Variants in CLEC4F observed in about 807,000 individuals in gnomAD.
The protein encoded by CLEC4F is C-type lectin domain family 4 member F, also known as C-type (calcium dependent, carbohydrate-recognition domain) lectin, superfamily member 13.
A neutral mutation model predicts 53.4 loss-of-function variants in CLEC4F; 45 were observed. That is an observed-to-expected ratio of 0.84 (90% CI 0.66 to 1.08). CLEC4F has a LOEUF of 1.08. Among genes scored for constraint, CLEC4F ranks in the 50% least tolerant of loss-of-function variants. CLEC4F has a pLI of 0.00. For synonymous variants in CLEC4F, 245 were observed against 257.5 expected, an observed-to-expected ratio of 0.95 and a Z score of 0.46; for missense variants, 753 against 698.2, an observed-to-expected ratio of 1.08 and a Z score of -0.88.
chr2:70,809,976 A>C, intron 5 of CLEC4F, 119 bp from the exon 6 acceptor site: 1 of 697,606 alleles, frequency 1.4e-6, no homozygotes, highest in Non-Finnish European at 2.6e-6. Flanking sequence ...AAAACTGTAA[A>C]CAGAATTTTA....
In CLEC4F at chr2:70,820,592, A is replaced by G; in HGVS notation, c.-69T>C. ...CCTGGAAGGGCCGTCCCGTGGACCA[A>G]TGGCAGTGGAAGCAAAGCTGAGACA... On this transcript the variant is annotated 5_prime_UTR_variant, in exon 1 of 7. Transcript: ENST00000272367. 6.8e-7 allele frequency: 1 copy of G among 1,467,392 alleles called. No individual in the cohort carries two copies. The highest frequency in any genetic ancestry group is 9.3e-7 in the Non-Finnish European group (1 of 1,081,008). 90.9% of individuals were successfully genotyped at this position (1,467,392 alleles called of 1,614,324 possible).
intron 5 of CLEC4F, chr2:70,811,368 G>T (rs1676551229): frequency 2.4e-6 from 2 of 840,650 alleles, no homozygotes; most frequent in African/African-American, 1.7e-5. Context: ...AGCAGCTAGT[G>T]TACTGTCCAT....
chr2:70,813,901 A>T (rs1469330029), intron 4 of CLEC4F, among the ~76,000 whole-genome samples: 1 of 151,268 alleles, frequency 6.6e-6, no homozygotes, highest in Non-Finnish European at 1.5e-5. Flanking sequence ...CTGCTCTCAA[A>T]CTCCTGATCT....
rs553757438 is a variant in CLEC4F at position 70,810,958 on chromosome 2, TGAAAATA to T, written c.1540-1108_1540-1102del. 4.9e-5 allele frequency: 27 copies of T among 554,888 alleles called. No homozygotes were observed. In the East Asian group the frequency reaches 1.2e-3, roughly 24 times the overall value. 34.4% of individuals were successfully genotyped at this position (554,888 alleles called of 1,614,324 possible). A position where few individuals can be genotyped will look rare whatever the true frequency, so the allele number is the denominator to read the frequency against. On this transcript the variant is annotated intron_variant, in intron 5 of 6. Coordinates refer to ENST00000272367, the MANE Select transcript of CLEC4F (RefSeq NM_173535.3). ...ATATTCATCAAATATCTGCCAATGA[TGAAAATA>T]AACATGTGAAAATATTCTGTAAATT...
chr2:70,811,804 A>G (rs184310413), intron 5 of CLEC4F, among the ~76,000 whole-genome samples: 1 of 152,076 alleles, frequency 6.6e-6, no homozygotes, highest in African/African-American at 2.4e-5. Context: ...GACAGGCTGG[A>G]TGCAGTGGCT....
Position 70,817,109 on chromosome 2 carries a change from T to C in CLEC4F, c.272A>G (p.His91Arg), listed in dbSNP as rs1317129389. 3.7e-6 allele frequency: 6 copies of C among 1,605,158 alleles called. No individual in the cohort carries two copies. The highest frequency in any genetic ancestry group is 5.1e-6 in the Non-Finnish European group (6 of 1,178,618). ...TTCTGCCTCCCTGCCAAAGTGGTGA[T>C]GATCTGGAGGGAGGAAGTGAAGAAG... is the stretch of plus-strand genomic sequence containing the variant. ...TGHLPFEPNN[H>R]HHFGREAEMR... Residue 91 changes from histidine (H) to arginine (R), a missense_variant, in exon 4 of 7, where the codon CAT (histidine) becomes CGT (arginine). Transcript: ENST00000272367.
chr2:70,809,873 A>G lies in CLEC4F; in HGVS notation c.1540-16T>C, dbSNP rs201250175. On this transcript the variant is annotated splice_polypyrimidine_tract_variant and intron_variant, in intron 5 of 6. Transcript: ENST00000272367. ...CCAGAAATGCCTGCAGAGAAAAGGC[A>G]GTGTCAGTTTGCCCCTGTGTGTGGG... 2.0e-5 allele frequency: 32 copies of G among 1,586,776 alleles called. No individual in the cohort carries two copies. The African/African-American group carries it at 3.9e-4, about 19-fold the overall frequency.
chr2:70,813,506 C>G (rs1676678016), intron 4 of CLEC4F, among the ~76,000 whole-genome samples: 1 of 76,452 alleles, frequency 1.3e-5, no homozygotes, highest in Non-Finnish European at 3.1e-5. Context: ...TTCTTTCTTT[C>G]TTTCTTTTCT....
chr2:70,811,341 T>C, intron 5 of CLEC4F: 1 of 973,404 alleles, frequency 1.0e-6, no homozygotes, highest in East Asian at 3.2e-5. Context: ...TCTTATGTTC[T>C]GTTGAATAGA....
intron 4 of CLEC4F, 127 bp downstream of exon 4, chr2:70,815,867 G>T: frequency 9.7e-7 from 1 of 1,035,242 alleles, no homozygotes; most frequent in Non-Finnish European, 1.4e-6. Flanking sequence ...CAGTTTCCTT[G>T]GGCCCATTTC....
chr2:70,821,837 GC>G (rs1307033954), upstream of CLEC4F, among the ~76,000 whole-genome samples: 2 of 152,130 alleles, frequency 1.3e-5, no homozygotes, highest in African/African-American at 4.8e-5. Context: ...TCAGTTCTCA[GC>G]CCCAACATCC....
intron 4 of CLEC4F, among the ~76,000 whole-genome samples, chr2:70,813,535 CT>C (rs1200669131): frequency 2.0e-4 from 19 of 92,942 alleles, no homozygotes; most frequent in African/African-American, 3.8e-4. Flanking sequence ...TTCTTTCTTT[CT>C]TTTTTTCTTT....
At chr2:70,815,451 GC>G (rs1410537620) in intron 4 of CLEC4F, among the ~76,000 whole-genome samples, 1 of 151,974 alleles carries the variant, frequency 6.6e-6, no homozygotes, top group African/African-American at 2.4e-5. Flanking sequence ...TGTACTACTA[GC>G]CTGTAAGCTT....
chr2:70,809,599 A>T, intron 6 of CLEC4F, 140 bp downstream of exon 6: 1 of 784,082 alleles, frequency 1.3e-6, no homozygotes, highest in Non-Finnish European at 2.2e-6. Context: ...CACACACCAC[A>T]CATACACCAC....
upstream of CLEC4F, among the ~76,000 whole-genome samples, chr2:70,824,711 G>A (rs990047877): frequency 1.3e-5 from 2 of 148,858 alleles, no homozygotes; most frequent in African/African-American, 2.5e-5. Flanking sequence ...CAAAGCCAGA[G>A]CAATTTGAGC....
chr2:70,813,483 T>C (rs1382127963), intron 4 of CLEC4F, among the ~76,000 whole-genome samples: 4 of 149,118 alleles, frequency 2.7e-5, no homozygotes, highest in Non-Finnish European at 5.9e-5. Context: ...GCTGAGTCTC[T>C]CTTTCTTTCT....
intron 3 of CLEC4F, among the ~76,000 whole-genome samples, chr2:70,817,729 T>C (rs1677000031): frequency 6.6e-6 from 1 of 152,120 alleles, no homozygotes; most frequent in Non-Finnish European, 1.5e-5. Context: ...CCCTGTTCAA[T>C]CAACAGGGCT....
rs376751119 is a variant in CLEC4F at position 70,816,871 on chromosome 2, C to T, written c.510G>A (p.Arg170=). The part of the protein sequence containing the change: ...TTLSLQTQML[R]SSLEGTNAEI... ...CAGCATTGGTTCCCTCCAGGGAACT[C>T]CTTAACATCTGTGTCTGCAAACTCA... The change falls in exon 4 of 7, where the codon AGG becomes AGA. Residue 170 remains arginine, a synonymous_variant. Coordinates refer to ENST00000272367, the MANE Select transcript of CLEC4F (RefSeq NM_173535.3). 3 of 1,614,112 alleles carry T rather than the reference C, an allele frequency of 1.9e-6. No homozygotes were observed. The highest frequency in any genetic ancestry group is 2.5e-6 in the Non-Finnish European group (3 of 1,180,010).
chr2:70,820,441 G>A (rs1270394729), intron 1 of CLEC4F, 22 bp downstream of exon 1: 61 of 1,568,314 alleles, frequency 3.9e-5, no homozygotes, highest in Admixed American at 5.5e-5. Context: ...CTGGGCAAGA[G>A]CTGGGGCCCC....
Sources: allele counts gnomAD v4.1 joint callset (sites outside exome capture counted in the v4.1 genomes callset), GRCh38; gene constraint gnomAD v4.1.1; transcripts MANE v1.5; gene names NCBI Gene and HGNC (gene_info 2026-07-23, HGNC 2026-07-21).